The following DST variants were observed in gnomAD, a reference collection of about 807,000 sequenced individuals.
DST encodes dystonin.
DST carries 253 observed loss-of-function variants against 875.2 expected under a neutral mutation model. That is an observed-to-expected ratio of 0.29 (90% confidence interval 0.26 to 0.32). The LOEUF is 0.32. Ranked by LOEUF, DST falls within the 10% of genes least tolerant of loss-of-function variation. The pLI, the probability that DST is intolerant of heterozygous loss-of-function variation, is 1.00. For missense variants in DST, 8,287 were observed against 9,111.6 expected, an observed-to-expected ratio of 0.91 and a Z score of 3.68; for synonymous variants, 3,124 against 3,197.1, an observed-to-expected ratio of 0.98 and a Z score of 0.77.
chr6:56,736,579 T>C (rs2099525200), intron 4 of DST, among the ~76,000 whole-genome samples: 2 of 152,206 alleles, frequency 1.3e-5, no homozygotes, highest in African/African-American at 4.8e-5. Flanking sequence ...CTCCATCCTT[T>C]CCCTGGGGGT....
In DST at chr6:56,938,108, C is replaced by CTCTCTCTCTATATATA. The variant is rs1383243392; in HGVS notation, c.216+15676_216+15677insTATATATAGAGAGAGA. 6.9e-4 allele frequency among the ~76,000 whole-genome samples: 83 copies of CTCTCTCTCTATATATA among 120,744 alleles called. 1 individual carries two copies. The highest frequency in any genetic ancestry group is 2.5e-3 in the African/African-American group (72 of 28,610). The allele number at this position is 120,744 out of a possible 152,430, so 79.2% of individuals were successfully genotyped here. ...TCTCTCTCTCTCTCTCTCTCTCTCT[C>CTCTCTCTCTATATATA]TATATATATATATATATATATATGT... On this transcript the variant is annotated intron_variant, in intron 2 of 103. Coordinates refer to ENST00000680361, the MANE Select transcript of DST (RefSeq NM_001374736.1).
At chr6:56,905,216 C>T (rs1298515428) in intron 2 of DST, among the ~76,000 whole-genome samples, 6 of 150,582 alleles carry the variant, frequency 4.0e-5, no homozygotes, top group African/African-American at 7.3e-5. Context: ...GATGTGCACT[C>T]GTGTGTGTGT....
chr6:56,953,879 G>A, intron 1 of DST, 60 bp from the exon 2 acceptor site: 20 of 1,215,982 alleles, frequency 1.6e-5, no homozygotes, highest in Non-Finnish European at 2.2e-5. Context: ...CCTACCGAGT[G>A]ACTCATGACT....
intron 4 of DST, among the ~76,000 whole-genome samples, chr6:56,805,000 ATATTT>A: frequency 6.6e-6 from 1 of 152,002 alleles, no homozygotes; most frequent in Non-Finnish European, 1.5e-5. Context: ...TTTTAATTTT[ATATTT>A]AATTTTAAAC....
intron 4 of DST, among the ~76,000 whole-genome samples, chr6:56,823,158 CA>C (rs931220244): frequency 2.6e-5 from 4 of 152,062 alleles, no homozygotes; most frequent in African/African-American, 9.7e-5. Flanking sequence ...CACCCTGGGA[CA>C]ACACTATTCT....
Position 56,504,232 on chromosome 6 carries a change from C to A in DST, c.19465-134G>T, listed in dbSNP as rs1035283928. 4.7e-5 allele frequency: 29 copies of A among 623,506 alleles called. No individual in the cohort carries two copies. In the Middle Eastern group the frequency reaches 1.5e-3, roughly 32 times the overall value. The allele number at this position is 623,506 out of a possible 1,614,324, so 38.6% of individuals were successfully genotyped here. ...ATTAGACTATTTTATAAAAAATTAA[C>A]ATGGTTCACCTAAATTAGTAAAAGC... On this transcript the variant is annotated intron_variant, in intron 77 of 103. Transcript: ENST00000680361.
chr6:56,591,555 G>T (rs1050465254), intron 49 of DST, among the ~76,000 whole-genome samples: 1 of 152,034 alleles, frequency 6.6e-6, no homozygotes, highest in Non-Finnish European at 1.5e-5. Flanking sequence ...TTCTAATGGA[G>T]GAAAAAACAG....
At chr6:56,764,527 T>C (rs546088641) in intron 4 of DST, among the ~76,000 whole-genome samples, 2 of 152,314 alleles carry the variant, frequency 1.3e-5, no homozygotes, top group Admixed American at 6.5e-5. Flanking sequence ...CTTTGCCTAA[T>C]GGCAAAACTT....
At chr6:56,468,114 A>C (rs181721015) in intron 98 of DST, among the ~76,000 whole-genome samples, 101 of 152,206 alleles carry the variant, frequency 6.6e-4, no homozygotes, top group Non-Finnish European at 3.7e-4. Flanking sequence ...GTCATATCTA[A>C]TGTAATATGG....
At position 56,530,128 on chromosome 6, in the gene DST, C is replaced by T. The variant is rs778700090; in HGVS notation, c.17114G>A (p.Arg5705His). The T allele has an allele frequency of 6.3e-6, 10 of 1,584,442 alleles. No individual in the cohort carries two copies. The highest frequency in any genetic ancestry group is 1.7e-4 in the Middle Eastern group (1 of 5,916). Residue 5705 changes from arginine to histidine, a missense_variant, in exon 65 of 104, where the codon CGT (arginine) becomes CAT (histidine). By Grantham distance (29) the Arg-to-His change is conservative (BLOSUM62 0). Around this residue, in one of 10 missense-constraint regions of DST, gnomAD observed 777 missense variants for 764.8 expected, o/e 1.02. Coordinates refer to ENST00000680361, the MANE Select transcript of DST (RefSeq NM_001374736.1). ...ALLNKAETRN[R>H]QLEGISVVAQ... is the part of the protein sequence containing the mutation. ...TACCACCGAGATACCTTCCAACTGA[C>T]GATTCCTACAAATGTGCCAAAAGGT... is the stretch of plus-strand genomic sequence containing the variant.
intron 9 of DST, chr6:56,693,299 C>T: frequency 8.5e-7 from 1 of 1,173,442 alleles, no homozygotes; most frequent in Non-Finnish European, 1.1e-6. Context: ...GGCCATTTTG[C>T]TTATGAGAAA....
intron 2 of DST, among the ~76,000 whole-genome samples, chr6:56,936,662 G>A (rs149461357): frequency 1.4e-3 from 220 of 152,012 alleles, no homozygotes; most frequent in Non-Finnish European, 2.1e-3. Context: ...ATGCAAGTGC[G>A]GTCACAGAAG....
At chr6:56,526,874 T>C (rs893787106) in intron 68 of DST, among the ~76,000 whole-genome samples, 3 of 152,190 alleles carry the variant, frequency 2.0e-5, no homozygotes, top group East Asian at 3.8e-4. Flanking sequence ...GTATTATTCT[T>C]TGCTTTCTGG....
chr6:56,735,364 A>C, intron 4 of DST, 75 bp from the exon 5 acceptor site: 1 of 901,038 alleles, frequency 1.1e-6, no homozygotes, highest in South Asian at 1.6e-5. Context: ...CATGAATATA[A>C]ACAAAAATGA....
intron 3 of DST, among the ~76,000 whole-genome samples, chr6:56,868,678 C>A (rs948742338): frequency 3.9e-5 from 6 of 152,126 alleles, no homozygotes; most frequent in African/African-American, 1.4e-4. Context: ...AATAATTTGA[C>A]AATCACAACT....
intron 90 of DST, among the ~76,000 whole-genome samples, chr6:56,478,459 G>A (rs1037636095): frequency 3.3e-5 from 5 of 152,016 alleles, no homozygotes; most frequent in East Asian, 1.9e-4. Flanking sequence ...GCCAGCAAGC[G>A]GAATGAACAA....
intron 74 of DST, 29 bp from the exon 75 acceptor site, chr6:56,508,784 G>A (rs747350936): frequency 1.4e-5 from 22 of 1,560,868 alleles, no homozygotes; most frequent in Middle Eastern, 1.7e-4. Context: ...TCCACAAGGC[G>A]ACTGGTTAGC....
At chr6:56,592,015 A>G (rs1309020704) in intron 49 of DST, among the ~76,000 whole-genome samples, 167 bp downstream of exon 49, 2 of 152,074 alleles carry the variant, frequency 1.3e-5, no homozygotes, top group Non-Finnish European at 2.9e-5. Flanking sequence ...TCGGAAAAAA[A>G]AAGAATGTAC....
chr6:56,642,840 G>C (rs965836384), intron 15 of DST: 3 of 1,610,412 alleles, frequency 1.9e-6, no homozygotes, highest in Admixed American at 1.7e-5. Context: ...TAGACTAAAA[G>C]GTAGGAGGTC....
Sources: gnomAD v4.1 joint callset for allele counts (sites outside exome capture counted in the v4.1 genomes callset) on GRCh38, gnomAD v4.1.1 for gene constraint, gnomAD v4.1.1 regional missense constraint, MANE v1.5 for transcripts, NCBI Gene and HGNC (gene_info 2026-07-23, HGNC 2026-07-21) for gene names.